Variants in FUT8 observed in about 807,000 individuals in gnomAD.
FUT8 encodes the protein alpha-(1,6)-fucosyltransferase.
In FUT8, 29 loss-of-function variants were observed where a neutral mutation model predicts 71.3. That is an observed-to-expected ratio of 0.41 (90% CI 0.30 to 0.55). The LOEUF (loss-of-function observed/expected upper bound fraction) is 0.55, where lower values mean the gene tolerates loss of function less well. FUT8 is among the 20% of genes least tolerant of loss of function. FUT8 has a pLI of 0.34. For synonymous variants in FUT8, 254 were observed against 239.3 expected (o/e 1.06, Z -0.57); for missense variants, 544 against 702.1 (o/e 0.77, Z 2.55).
chr14:65,427,154 G>A (rs535804908), intron 1 of FUT8, among the ~76,000 whole-genome samples: 10 of 152,058 alleles, frequency 6.6e-5, no homozygotes, highest in Non-Finnish European at 1.2e-4. Context: ...GAACCACCGC[G>A]CCTGGCCTAC....
chr14:65,473,544 T>TA (rs2139646426), intron 2 of FUT8, among the ~76,000 whole-genome samples: 1 of 152,308 alleles, frequency 6.6e-6, no homozygotes, highest in East Asian at 1.9e-4. Flanking sequence ...GACTAGGTGA[T>TA]AAAAATGATC....
chr14:65,584,298 A>T (rs2411358), intron 3 of FUT8, among the ~76,000 whole-genome samples: 149,657 of 152,076 alleles, frequency 0.98, 73,700 homozygotes, highest in Middle Eastern at 1. Flanking sequence ...CCTGCCTCAG[A>T]CCCCTGAGTA....
chr14:65,635,648 G>T (rs575981431), intron 6 of FUT8, among the ~76,000 whole-genome samples: 2 of 152,132 alleles, frequency 1.3e-5, no homozygotes, highest in Admixed American at 6.5e-5. Flanking sequence ...ATTGACTTGC[G>T]TATATTAAAC....
At chr14:65,471,157 A>G (rs971144687) in intron 2 of FUT8, 3 of 313,298 alleles carry the variant, frequency 9.6e-6, no homozygotes, top group Non-Finnish European at 1.3e-5. Context: ...TCTCAGGACT[A>G]TAGAACTTTC....
the FUT8 span, among the ~76,000 whole-genome samples, chr14:65,389,859 T>G: frequency 6.6e-6 from 1 of 151,424 alleles, no homozygotes; most frequent in Non-Finnish European, 1.5e-5. Flanking sequence ...ATATACATAC[T>G]ATATATAAAA....
At chr14:65,666,840 T>C (rs531035180) in intron 6 of FUT8, among the ~76,000 whole-genome samples, 1 of 152,312 alleles carries the variant, frequency 6.6e-6, no homozygotes, top group South Asian at 2.1e-4. Flanking sequence ...TCAAATAGGC[T>C]TTATCCCTGG....
At chr14:65,496,518 T>G (rs1267903117) in intron 2 of FUT8, among the ~76,000 whole-genome samples, 1 of 152,104 alleles carries the variant, frequency 6.6e-6, no homozygotes, top group Non-Finnish European at 1.5e-5. Context: ...CCCCATGCTG[T>G]TCTCATGTTA....
chr14:65,572,980 A>G (rs1351839835), intron 3 of FUT8, among the ~76,000 whole-genome samples: 2 of 152,170 alleles, frequency 1.3e-5, no homozygotes, highest in Non-Finnish European at 2.9e-5. Context: ...ACTGTTTTCA[A>G]CAATAGCAGA....
At position 65,736,223 on chromosome 14, in the gene FUT8, C is replaced by T. The variant is rs536747601; in HGVS notation, c.1410+2842C>T. Among the ~76,000 whole-genome samples, 4 of 151,912 alleles carry T rather than the reference C, an allele frequency of 2.6e-5. No individual in the cohort carries two copies. In the East Asian group the frequency reaches 5.8e-4, roughly 22 times the overall value. On this transcript the variant is annotated intron_variant, in intron 10 of 10. Coordinates refer to ENST00000673929, the MANE Select transcript of FUT8 (RefSeq NM_001371533.1). ...AGGAGTTATGAAAAGTAAAGCACTG[C>T]GAATAGTACCTAGCAATACAGTGTT... is the stretch of plus-strand genomic sequence containing the variant.
chr14:65,442,107 C>T (rs2065667874), intron 1 of FUT8, among the ~76,000 whole-genome samples: 1 of 151,754 alleles, frequency 6.6e-6, no homozygotes, highest in African/African-American at 2.4e-5. Context: ...AGAGGGCTCC[C>T]TAGATAATTC....
intron 2 of FUT8, among the ~76,000 whole-genome samples, chr14:65,525,504 CA>C (rs1441616912): frequency 1.3e-5 from 2 of 152,080 alleles, no homozygotes; most frequent in African/African-American, 4.8e-5. Context: ...TTGATGTTTT[CA>C]AAAAACCAGC....
intron 1 of FUT8, among the ~76,000 whole-genome samples, chr14:65,450,406 AACTTAT>A (rs1440526206): frequency 6.6e-6 from 1 of 152,180 alleles, no homozygotes; most frequent in African/African-American, 2.4e-5. Flanking sequence ...TTCTCCTGAA[AACTTAT>A]ACTTATCGTT....
At chr14:65,594,242 G>T (rs1034805828) in intron 3 of FUT8, among the ~76,000 whole-genome samples, 7 of 152,068 alleles carry the variant, frequency 4.6e-5, no homozygotes, top group African/African-American at 1.7e-4. Context: ...ACTGGCCAGG[G>T]GCCCGGCAGT....
At chr14:65,700,892 T>C (rs1441678589) in intron 7 of FUT8, among the ~76,000 whole-genome samples, 1 of 152,244 alleles carries the variant, frequency 6.6e-6, no homozygotes, top group Non-Finnish European at 1.5e-5. Flanking sequence ...TGATTTGTCT[T>C]CTTTATTAGA....
At chr14:65,500,657 T>C (rs1454881269) in intron 2 of FUT8, among the ~76,000 whole-genome samples, 2 of 152,204 alleles carry the variant, frequency 1.3e-5, no homozygotes, top group African/African-American at 4.8e-5. Flanking sequence ...CTATTTCCTA[T>C]CCCTTTTCAT....
chr14:65,415,413 A>T (rs1317270142), intron 1 of FUT8, among the ~76,000 whole-genome samples: 4 of 152,224 alleles, frequency 2.6e-5, no homozygotes, highest in Non-Finnish European at 4.4e-5. Context: ...AAATGCTTAA[A>T]GATTTATTGG....
In FUT8 at chr14:65,467,050, CTTTA is replaced by C. The variant is rs1299525026; in HGVS notation, c.-228+11336_-228+11339del. On this transcript the variant is annotated intron_variant, in intron 2 of 10. Transcript: ENST00000673929. This position sits in a 1 kb window ranked among gnomAD's most constrained non-coding sequence, Gnocchi z 4.1. Reference sequence around the variant, plus strand: ...AGAAAAACAAAAGATTTAGTTTTACCTTTATTTTTTTCCTCTACACTCTTCCTTT... The same window carrying C: ...AGAAAAACAAAAGATTTAGTTTTACCTTTTTTTCCTCTACACTCTTCCTTT... Among the ~76,000 whole-genome samples, 1 of 151,944 alleles carries C rather than the reference CTTTA, an allele frequency of 6.6e-6. No homozygotes were observed. Among genetic ancestry groups the C allele is most frequent in the African/African-American group, 2.4e-5 (1 of 41,364 alleles).
chr14:65,631,400 T>C (rs905339270), intron 6 of FUT8, among the ~76,000 whole-genome samples: 1 of 152,124 alleles, frequency 6.6e-6, no homozygotes, highest in African/African-American at 2.4e-5. Context: ...GGTTTGTGGG[T>C]GGCCAAGTGC....
intron 2 of FUT8, among the ~76,000 whole-genome samples, chr14:65,513,635 A>G (rs1323773960): frequency 9.8e-6 from 1 of 101,924 alleles, no homozygotes; most frequent in African/African-American, 3.8e-5. Flanking sequence ...TAGAATATAA[A>G]AACAAAATCA....
Sources: allele counts gnomAD v4.1 joint callset (sites outside exome capture counted in the v4.1 genomes callset), GRCh38; gene constraint gnomAD v4.1.1; non-coding constraint Gnocchi (gnomAD v3.1); transcripts MANE v1.5; gene names NCBI Gene and HGNC (gene_info 2026-07-23, HGNC 2026-07-21).